The following ATRNL1 variants were observed in gnomAD, a reference collection of about 807,000 sequenced individuals.
ATRNL1 encodes the protein attractin like 1.
ATRNL1 carries 95 observed loss-of-function variants against 182.7 expected under a neutral mutation model. The ratio of observed to expected loss-of-function variants is 0.52; its 90% CI spans 0.44 to 0.62. The LOEUF (loss-of-function observed/expected upper bound fraction) is 0.62. Among genes scored for constraint, ATRNL1 ranks in the 20% least tolerant of loss-of-function variants. ATRNL1 has a pLI of 0.00. For missense variants in ATRNL1, 1,471 were observed against 1,679.5 expected, an observed-to-expected ratio of 0.88 and a Z score of 2.17; for synonymous variants, 576 against 568.3, an observed-to-expected ratio of 1.01 and a Z score of -0.19.
chr10:115,727,359 G>A lies in ATRNL1; in HGVS notation c.3903+4G>A, dbSNP rs1947631323. 1 of 1,608,184 alleles carries A rather than the reference G, an allele frequency of 6.2e-7. No individual in the cohort carries two copies. The highest frequency in any genetic ancestry group is 8.5e-7 in the Non-Finnish European group (1 of 1,174,756). On this transcript the variant is annotated splice_donor_region_variant and intron_variant, in intron 27 of 28. Coordinates refer to ENST00000355044, the MANE Select transcript of ATRNL1 (RefSeq NM_207303.4). The stretch of plus-strand genomic sequence containing the variant: ...GTTTCTGCGAGGGCCATTAGAGGTA[G>A]GAACAGCGGTGCTGAAAGAGGACCA...
At chr10:115,776,532 G>A (rs1243613751) in intron 27 of ATRNL1, among the ~76,000 whole-genome samples, 1 of 149,170 alleles carries the variant, frequency 6.7e-6, no homozygotes, top group Non-Finnish European at 1.5e-5. Flanking sequence ...TGGTGGCAGT[G>A]AAGTTTGTCA....
intron 28 of ATRNL1, among the ~76,000 whole-genome samples, chr10:115,903,745 A>C (rs1555113987): frequency 6.6e-6 from 1 of 152,038 alleles, no homozygotes; most frequent in Non-Finnish European, 1.5e-5. Context: ...GTAAAACCAC[A>C]TTTTCCTCCA....
intron 25 of ATRNL1, among the ~76,000 whole-genome samples, chr10:115,530,167 A>C (rs1208270349): frequency 1.3e-5 from 2 of 152,142 alleles, no homozygotes; most frequent in African/African-American, 2.4e-5. Context: ...ACTGTTGTGA[A>C]TAATACTACT....
intron 28 of ATRNL1, among the ~76,000 whole-genome samples, chr10:115,881,369 C>CA (rs1385082568): frequency 3.9e-5 from 6 of 152,184 alleles, no homozygotes; most frequent in Non-Finnish European, 5.9e-5. Flanking sequence ...CTCGCACAGC[C>CA]ATTTGCAGTT....
chr10:115,614,923 AGT>A (rs1451898812), intron 26 of ATRNL1, among the ~76,000 whole-genome samples: 1 of 151,778 alleles, frequency 6.6e-6, no homozygotes, highest in African/African-American at 2.4e-5. Flanking sequence ...TTAGAGGTGA[AGT>A]GAGTTTCTTA....
At chr10:115,706,324 T>G (rs1946896344) in intron 26 of ATRNL1, among the ~76,000 whole-genome samples, 1 of 151,914 alleles carries the variant, frequency 6.6e-6, no homozygotes, top group African/African-American at 2.4e-5. Flanking sequence ...CCTATACTTC[T>G]GTTATAAGAG....
At chr10:115,713,748 C>CTATCTATA (rs1565311047) in intron 26 of ATRNL1, among the ~76,000 whole-genome samples, 1 of 151,592 alleles carries the variant, frequency 6.6e-6, no homozygotes, top group Non-Finnish European at 1.5e-5. Flanking sequence ...ATCTATCTAT[C>CTATCTATA]TATAGTCTCT....
At chr10:115,385,997 G>C (rs1554952523) in intron 19 of ATRNL1, among the ~76,000 whole-genome samples, 2 of 151,568 alleles carry the variant, frequency 1.3e-5, no homozygotes, top group Non-Finnish European at 2.9e-5. Context: ...TGTCTTTTAA[G>C]TCTTCTGTCT....
intron 21 of ATRNL1, among the ~76,000 whole-genome samples, chr10:115,428,667 A>G (rs1382664162): frequency 3.9e-5 from 6 of 152,046 alleles, no homozygotes; most frequent in Admixed American, 2.6e-4. Context: ...CTTTGTTAAT[A>G]TAGTGATTTT....
intron 9 of ATRNL1, among the ~76,000 whole-genome samples, chr10:115,230,909 GAGAGAGAGAGAGAA>G (rs1456039412): frequency 7.2e-5 from 10 of 138,238 alleles, no homozygotes; most frequent in African/African-American, 2.6e-4. Flanking sequence ...GAGAGAGAGA[GAGAGAGAGAGAGAA>G]AGAGAGAAAT....
At chr10:115,582,802 A>G (rs1417828574) in intron 26 of ATRNL1, among the ~76,000 whole-genome samples, 10 of 150,818 alleles carry the variant, frequency 6.6e-5, no homozygotes, top group Admixed American at 4.0e-4. Flanking sequence ...TTGGTGTTTT[A>G]GACATGAAGT....
chr10:115,478,937 T>C (rs1848644920), intron 24 of ATRNL1, among the ~76,000 whole-genome samples: 2 of 151,692 alleles, frequency 1.3e-5, no homozygotes, highest in Admixed American at 1.3e-4. Flanking sequence ...AATTTTACTT[T>C]TATTAATTTA....
chr10:115,871,897 A>G (rs1555106228), intron 28 of ATRNL1, among the ~76,000 whole-genome samples: 1 of 152,146 alleles, frequency 6.6e-6, no homozygotes, highest in African/African-American at 2.4e-5. Flanking sequence ...AACTGTTTCT[A>G]ATCAAATAAT....
intron 24 of ATRNL1, among the ~76,000 whole-genome samples, chr10:115,513,260 A>G (rs1049976300): frequency 6.6e-6 from 1 of 151,868 alleles, no homozygotes; most frequent in Non-Finnish European, 1.5e-5. Context: ...GCTGTGCTTC[A>G]TTTCTTTCTG....
intron 25 of ATRNL1, among the ~76,000 whole-genome samples, chr10:115,524,079 G>A (rs1851089041): frequency 2.6e-5 from 4 of 151,926 alleles, no homozygotes; most frequent in African/African-American, 7.3e-5. Context: ...GAGATCACAT[G>A]GTGAGAAAGT....
intron 19 of ATRNL1, among the ~76,000 whole-genome samples, chr10:115,353,687 G>A (rs1856373414): frequency 6.6e-6 from 1 of 151,944 alleles, no homozygotes; most frequent in Non-Finnish European, 1.5e-5. Context: ...TCCTCTGGCT[G>A]TATGTTTTAA....
intron 5 of ATRNL1, among the ~76,000 whole-genome samples, chr10:115,137,638 T>C (rs186257875): frequency 1.3e-3 from 196 of 152,316 alleles, no homozygotes; most frequent in South Asian, 3.5e-3. Context: ...CTTGTGAGTC[T>C]TATTTGCTAT....
chr10:115,191,706 C>T (rs1018754068), intron 8 of ATRNL1, among the ~76,000 whole-genome samples: 1 of 152,024 alleles, frequency 6.6e-6, no homozygotes, highest in African/African-American at 2.4e-5. Flanking sequence ...CTCCTGTGTT[C>T]ATTATCCTCC....
At chr10:115,262,172 GGAT>G (rs1851420814) in intron 10 of ATRNL1, among the ~76,000 whole-genome samples, 1 of 146,162 alleles carries the variant, frequency 6.8e-6, no homozygotes. Context: ...AGGGGGCAGT[GGAT>G]TTTTTTTTTT....
Sources: allele counts gnomAD v4.1 joint callset (sites outside exome capture counted in the v4.1 genomes callset), GRCh38; gene constraint gnomAD v4.1.1; transcripts MANE v1.5; gene names NCBI Gene and HGNC (gene_info 2026-07-23, HGNC 2026-07-21).